The following POLR3B variants were observed in gnomAD, a reference collection of about 807,000 sequenced individuals.
POLR3B encodes the protein RNA polymerase III subunit B, also known as DNA-directed RNA polymerase III subunit RPC2.
A neutral mutation model predicts 147.4 loss-of-function variants in POLR3B; 96 were observed. That is an observed-to-expected ratio of 0.65 (90% confidence interval 0.55 to 0.77). POLR3B has a LOEUF of 0.77. Among genes scored for constraint, POLR3B ranks in the 30% least tolerant of loss-of-function variants. The pLI, the probability that POLR3B is intolerant of heterozygous loss-of-function variation, is 0.00. For synonymous variants in POLR3B, 461 were observed against 485.9 expected, an observed-to-expected ratio of 0.95 and a Z score of 0.67; for missense variants, 1,036 against 1,413.5, an observed-to-expected ratio of 0.73 and a Z score of 4.28.
intron 16 of POLR3B, among the ~76,000 whole-genome samples, chr12:106,435,064 C>G (rs1446633798): frequency 6.6e-6 from 1 of 152,088 alleles, no homozygotes; most frequent in South Asian, 2.1e-4. Context: ...TGGAACTGCT[C>G]TCGTTCCTTT....
intron 26 of POLR3B, among the ~76,000 whole-genome samples, chr12:106,503,500 A>G (rs1191017420): frequency 6.6e-6 from 1 of 152,082 alleles, no homozygotes; most frequent in Non-Finnish European, 1.5e-5. Flanking sequence ...AATTGTTCAG[A>G]TCCCCCTAAT....
At chr12:106,387,320 C>G (rs1290966491) in intron 9 of POLR3B, among the ~76,000 whole-genome samples, 1 of 152,180 alleles carries the variant, frequency 6.6e-6, no homozygotes, top group Non-Finnish European at 1.5e-5. Context: ...ATTTACTTAA[C>G]CACTTTCCTC....
At chr12:106,374,206 G>A (rs933297458) in intron 6 of POLR3B, among the ~76,000 whole-genome samples, 2 of 151,934 alleles carry the variant, frequency 1.3e-5, no homozygotes, top group African/African-American at 4.8e-5. Flanking sequence ...CCAAATTTTT[G>A]TTCTATCTTG....
At chr12:106,437,165 T>C in intron 17 of POLR3B, 34 bp downstream of exon 17, 1 of 1,311,058 alleles carries the variant, frequency 7.6e-7, no homozygotes. Context: ...ACCAATCTCC[T>C]TAATACCCAC....
chr12:106,419,223 A>G (rs1224941565), intron 12 of POLR3B, among the ~76,000 whole-genome samples: 1 of 152,146 alleles, frequency 6.6e-6, no homozygotes, highest in African/African-American at 2.4e-5. Context: ...TCTCACTGTA[A>G]GAAAGGATTA....
chr12:106,398,770 G>A (rs966245461), intron 10 of POLR3B, among the ~76,000 whole-genome samples: 18 of 152,190 alleles, frequency 1.2e-4, no homozygotes, highest in Non-Finnish European at 2.5e-4. Flanking sequence ...GCAGCTGAGG[G>A]TACTGTCTGT....
intron 23 of POLR3B, among the ~76,000 whole-genome samples, chr12:106,466,552 C>G (rs2038008562): frequency 6.6e-6 from 1 of 152,072 alleles, no homozygotes; most frequent in Non-Finnish European, 1.5e-5. Flanking sequence ...ATGGTATTGC[C>G]TAGGTTTTCT....
chr12:106,456,798 T>C lies in POLR3B; in HGVS notation c.2294-340T>C, dbSNP rs979827539. On this transcript the variant is annotated intron_variant, in intron 20 of 27. Coordinates refer to ENST00000228347, the MANE Select transcript of POLR3B (RefSeq NM_018082.6). ...AGGTGATTTCTAAGGGCCTTTCCAATTCTAATATTCTATGGCTCTGTCCTC... is the reference window on the plus strand; with the variant it reads ...AGGTGATTTCTAAGGGCCTTTCCAACTCTAATATTCTATGGCTCTGTCCTC... 2.0e-5 allele frequency among the ~76,000 whole-genome samples: 3 copies of C among 152,190 alleles called. No individual in the cohort carries two copies. The East Asian group carries it at 5.8e-4, about 29-fold the overall frequency.
chr12:106,374,315 C>T lies in POLR3B; in HGVS notation c.405-2044C>T, dbSNP rs572671700. Among the ~76,000 whole-genome samples the T allele has an allele frequency of 4.0e-4, 61 of 152,258 alleles. 1 individual carries two copies. Among genetic ancestry groups the T allele is most frequent in the Middle Eastern group, 3.4e-3 (1 of 294 alleles). On this transcript the variant is annotated intron_variant, in intron 6 of 27. Coordinates refer to ENST00000228347, the MANE Select transcript of POLR3B (RefSeq NM_018082.6). Reference sequence around the variant, plus strand: ...CACTGCAGCCTCAACCTCCTGGGCTCAGGTGATCCTCCCACCTCCAGCCTC... The same window carrying T: ...CACTGCAGCCTCAACCTCCTGGGCTTAGGTGATCCTCCCACCTCCAGCCTC...
chr12:106,386,312 C>T (rs1378054975), intron 9 of POLR3B, among the ~76,000 whole-genome samples: 1 of 147,276 alleles, frequency 6.8e-6, no homozygotes, highest in African/African-American at 2.6e-5. Flanking sequence ...CACTGCACTC[C>T]AGCCTGGGTG....
chr12:106,379,237 C>T (rs1489109099), intron 8 of POLR3B, among the ~76,000 whole-genome samples: 1 of 152,152 alleles, frequency 6.6e-6, no homozygotes, highest in Non-Finnish European at 1.5e-5. Context: ...CCTTTGAACC[C>T]AGATACGGTT....
chr12:106,393,927 C>A lies in POLR3B; in HGVS notation c.846+774C>A, dbSNP rs554387192. On this transcript the variant is annotated intron_variant, in intron 10 of 27. Coordinates refer to ENST00000228347, the MANE Select transcript of POLR3B (RefSeq NM_018082.6). ...AGTATAAATCAAAGTTAACATCCCTCATAGCCATCCTGGGAGGTGGGAATT... is the reference window on the plus strand; with the variant it reads ...AGTATAAATCAAAGTTAACATCCCTAATAGCCATCCTGGGAGGTGGGAATT... Among the ~76,000 whole-genome samples the A allele has an allele frequency of 2.0e-5, 3 of 152,270 alleles. No individual in the cohort carries two copies. The South Asian group carries it at 6.2e-4, about 32-fold the overall frequency.
intron 9 of POLR3B, among the ~76,000 whole-genome samples, chr12:106,385,240 TC>T (rs555515896): frequency 4.8e-4 from 73 of 152,350 alleles, no homozygotes; most frequent in Middle Eastern, 3.4e-3. Context: ...GAGCAATGGT[TC>T]AGTATTCACT....
At chr12:106,400,319 C>T (rs1593019537) in intron 10 of POLR3B, among the ~76,000 whole-genome samples, 1 of 152,168 alleles carries the variant, frequency 6.6e-6, no homozygotes, top group Admixed American at 6.6e-5. Flanking sequence ...TATAGGAGCA[C>T]CCAGATTCAT....
intron 23 of POLR3B, among the ~76,000 whole-genome samples, chr12:106,468,401 G>C (rs1458244259): frequency 6.6e-6 from 1 of 152,090 alleles, no homozygotes; most frequent in Non-Finnish European, 1.5e-5. Flanking sequence ...CAGAATACCA[G>C]CTCCTGGATT....
intron 12 of POLR3B, among the ~76,000 whole-genome samples, chr12:106,412,897 A>G (rs1389493788): frequency 6.6e-6 from 1 of 152,152 alleles, no homozygotes; most frequent in African/African-American, 2.4e-5. Context: ...GATTATGTTG[A>G]ACATCTTTTT....
intron 23 of POLR3B, among the ~76,000 whole-genome samples, chr12:106,471,071 A>C (rs1207030523): frequency 6.6e-6 from 1 of 152,170 alleles, no homozygotes; most frequent in Admixed American, 6.5e-5. Context: ...GAAAGGCAGT[A>C]AGCTTTGCTG....
At chr12:106,379,410 C>T (rs2036729242) in intron 8 of POLR3B, among the ~76,000 whole-genome samples, 1 of 152,182 alleles carries the variant, frequency 6.6e-6, no homozygotes, top group South Asian at 2.1e-4. Flanking sequence ...GACAATACTT[C>T]AGTTTGACTA....
At chr12:106,451,537 A>G (rs12309758) in intron 19 of POLR3B, among the ~76,000 whole-genome samples, 58,954 of 148,860 alleles carry the variant, frequency 0.4, 13,762 homozygotes, top group African/African-American at 0.66. Flanking sequence ...CACAAGAATC[A>G]GTTGAACCCA....
Sources: allele counts gnomAD v4.1 joint callset (sites outside exome capture counted in the v4.1 genomes callset), GRCh38; gene constraint gnomAD v4.1.1; transcripts MANE v1.5; gene names NCBI Gene and HGNC (gene_info 2026-07-23, HGNC 2026-07-21).